The following CSMD3 variants were observed in gnomAD, a reference collection of about 807,000 sequenced individuals.
CSMD3 encodes CUB and Sushi multiple domains 3.
CSMD3 carries 177 observed loss-of-function variants against 435.2 expected under a neutral mutation model. The observed-to-expected ratio is 0.41, with a 90% CI of 0.36 to 0.46. The LOEUF is 0.46. Ranked by LOEUF, CSMD3 falls within the 20% of genes least tolerant of loss-of-function variation. CSMD3 has a pLI of 0.34. For missense variants in CSMD3, 4,265 were observed against 4,504.6 expected (o/e 0.95, Z 1.52); for synonymous variants, 1,656 against 1,520.5 (o/e 1.09, Z -2.07).
chr8:112,828,373 G>A (rs969999986), intron 12 of CSMD3, among the ~76,000 whole-genome samples: 1 of 152,092 alleles, frequency 6.6e-6, no homozygotes, highest in African/African-American at 2.4e-5. Context: ...TGCATCACAG[G>A]GGTGGATTTC....
chr8:112,341,363 G>GTTT (rs79227508), intron 42 of CSMD3, 114 bp downstream of exon 42: 115 of 670,170 alleles, frequency 1.7e-4, no homozygotes, highest in South Asian at 2.4e-4. Flanking sequence ...CTTGGCTTAA[G>GTTT]TTTTTTTTTT....
intron 32 of CSMD3, among the ~76,000 whole-genome samples, chr8:112,431,480 C>G (rs945193270): frequency 6.6e-6 from 1 of 151,876 alleles, no homozygotes; most frequent in Non-Finnish European, 1.5e-5. Flanking sequence ...CTAAAAGTTG[C>G]AGATTGCTAG....
intron 9 of CSMD3, among the ~76,000 whole-genome samples, chr8:112,946,778 T>A (rs1416871764): frequency 1.3e-5 from 2 of 151,692 alleles, no homozygotes; most frequent in Non-Finnish European, 3.0e-5. Flanking sequence ...CGAGCGTGGT[T>A]AAAGTTATGT....
intron 13 of CSMD3, among the ~76,000 whole-genome samples, chr8:112,777,757 G>A (rs565610699): frequency 6.6e-6 from 1 of 151,754 alleles, no homozygotes; most frequent in African/African-American, 2.4e-5. Flanking sequence ...GTCAAAGTTT[G>A]CCTCCAACAT....
chr8:112,338,878 C>T (rs568591383), intron 42 of CSMD3, among the ~76,000 whole-genome samples: 3 of 151,958 alleles, frequency 2.0e-5, no homozygotes, highest in Non-Finnish European at 4.4e-5. Flanking sequence ...ATTAAATATA[C>T]CCTTTCAATT....
intron 1 of CSMD3, among the ~76,000 whole-genome samples, chr8:113,355,863 C>T (rs1013004267): frequency 6.8e-6 from 1 of 146,508 alleles, no homozygotes; most frequent in Non-Finnish European, 1.5e-5. Context: ...TTGTGAAGAT[C>T]ATCTTACACT....
chr8:112,264,255 C>T (rs1816723698), intron 60 of CSMD3, among the ~76,000 whole-genome samples: 2 of 152,132 alleles, frequency 1.3e-5, no homozygotes, highest in South Asian at 4.1e-4. Flanking sequence ...TTTGAAAACA[C>T]AGGTCATATG....
At chr8:112,779,736 T>G (rs2132236819) in intron 13 of CSMD3, among the ~76,000 whole-genome samples, 1 of 152,208 alleles carries the variant, frequency 6.6e-6, no homozygotes, top group African/African-American at 2.4e-5. Flanking sequence ...TTCTAAATTC[T>G]AAATTTTATT....
At position 112,550,750 on chromosome 8, in the gene CSMD3, A is replaced by C. The variant is rs1286392823; in HGVS notation, c.4485T>G (p.His1495Gln). Residue 1495 changes from histidine to glutamine, a missense_variant, in exon 27 of 71, where the codon CAT becomes CAG. Around this residue, in one of 3 missense-constraint regions of CSMD3, gnomAD observed 3,255 missense variants for 3,380.2 expected, o/e 0.96. Transcript: ENST00000297405. ...ISGSLIPEGI[H>Q]STLNIVTIQF... The stretch of plus-strand genomic sequence containing the variant: ...GGATGGTTACTATATTGAGGGTGCT[A>C]TGAATTCCTTCAGGAATAAGAGATC... The C allele has an allele frequency of 6.2e-7, 1 of 1,604,464 alleles. No individual in the cohort carries two copies. Among genetic ancestry groups the C allele is most frequent in the Admixed American group, 1.7e-5 (1 of 59,880 alleles).
At chr8:112,290,129 A>C (rs898289698) in intron 56 of CSMD3, among the ~76,000 whole-genome samples, 2 of 152,098 alleles carry the variant, frequency 1.3e-5, no homozygotes, top group Non-Finnish European at 2.9e-5. Flanking sequence ...TTATAAACTA[A>C]AACTGCTACT....
At chr8:113,355,524 T>C (rs1208090378) in intron 1 of CSMD3, among the ~76,000 whole-genome samples, 1 of 151,474 alleles carries the variant, frequency 6.6e-6, no homozygotes, top group Non-Finnish European at 1.5e-5. Flanking sequence ...GGCAATTATA[T>C]TACCACAAGG....
At position 113,290,858 on chromosome 8, in the gene CSMD3, T is replaced by C. The variant is rs573421289; in HGVS notation, c.402-12154A>G. Among the ~76,000 whole-genome samples the C allele has an allele frequency of 7.3e-5, 11 of 151,582 alleles. No individual in the cohort carries two copies. In the South Asian group the frequency reaches 2.3e-3, roughly 31 times the overall value. On this transcript the variant is annotated intron_variant, in intron 2 of 70. Coordinates refer to ENST00000297405, the MANE Select transcript of CSMD3 (RefSeq NM_198123.2). ...AATAATCATAGGCCATATTCTAACA[T>C]TTAAATTGGAAAAATGGTTAAAATT...
At chr8:112,547,574 C>A (rs564897460) in intron 27 of CSMD3, among the ~76,000 whole-genome samples, 1 of 151,922 alleles carries the variant, frequency 6.6e-6, no homozygotes, top group African/African-American at 2.4e-5. Context: ...AACCAAAAAA[C>A]TTCTAGAACA....
chr8:113,047,953 C>T (rs913459286), intron 5 of CSMD3, among the ~76,000 whole-genome samples: 2 of 151,880 alleles, frequency 1.3e-5, no homozygotes, highest in African/African-American at 4.8e-5. Flanking sequence ...AAAGTTTTAT[C>T]TTGTTTTATA....
At chr8:112,825,127 G>C (rs2079639397) in intron 12 of CSMD3, among the ~76,000 whole-genome samples, 3 of 152,070 alleles carry the variant, frequency 2.0e-5, no homozygotes, top group Admixed American at 2.0e-4. Context: ...GATTCACAAA[G>C]TTCTCCTGCT....
chr8:112,811,433 A>G (rs2079225574), intron 12 of CSMD3, among the ~76,000 whole-genome samples: 1 of 152,148 alleles, frequency 6.6e-6, no homozygotes, highest in Admixed American at 6.5e-5. Flanking sequence ...TTACATTCTA[A>G]GAATGTCCTT....
chr8:112,487,117 T>C (rs1185341279), intron 31 of CSMD3, among the ~76,000 whole-genome samples: 3 of 152,222 alleles, frequency 2.0e-5, no homozygotes, highest in Non-Finnish European at 2.9e-5. Context: ...CAGTACTCTC[T>C]AGTTTAATGA....
At chr8:113,365,483 G>A (rs2094305166) in intron 1 of CSMD3, among the ~76,000 whole-genome samples, 2 of 151,968 alleles carry the variant, frequency 1.3e-5, no homozygotes, top group Non-Finnish European at 2.9e-5. Flanking sequence ...CTCATTCCAT[G>A]TAACTTTGGT....
At chr8:113,368,478 T>C (rs1231933199) in intron 1 of CSMD3, among the ~76,000 whole-genome samples, 1 of 152,178 alleles carries the variant, frequency 6.6e-6, no homozygotes, top group Admixed American at 6.6e-5. Flanking sequence ...AAATGAGAAC[T>C]TTCTTTTGCA....
Sources: gnomAD v4.1 joint callset for allele counts (sites outside exome capture counted in the v4.1 genomes callset) on GRCh38, gnomAD v4.1.1 for gene constraint, gnomAD v4.1.1 regional missense constraint, MANE v1.5 for transcripts, NCBI Gene and HGNC (gene_info 2026-07-23, HGNC 2026-07-21) for gene names.